The following WWC1 variants were observed in gnomAD, a reference collection of about 807,000 sequenced individuals.
WWC1 encodes the protein WW and C2 domain containing 1.
WWC1 carries 55 observed loss-of-function variants against 138.4 expected under a neutral mutation model. That is an observed-to-expected ratio of 0.40 (90% CI 0.32 to 0.50). The LOEUF is 0.50. Ranked by LOEUF, WWC1 falls within the 20% of genes least tolerant of loss-of-function variation. The pLI, the probability that WWC1 is intolerant of heterozygous loss-of-function variation, is 0.72. For synonymous variants in WWC1, 524 were observed against 564.9 expected, an observed-to-expected ratio of 0.93 and a Z score of 1.03; for missense variants, 1,226 against 1,420.4, an observed-to-expected ratio of 0.86 and a Z score of 2.20.
chr5:168,385,094 T>G, intron 2 of WWC1, 117 bp from the exon 3 acceptor site: 1 of 978,756 alleles, frequency 1.0e-6, no homozygotes, highest in Non-Finnish European at 1.5e-6. Flanking sequence ...CCCACTTACA[T>G]TTATTGTGAT....
At chr5:168,375,940 A>G (rs1561677234) in intron 2 of WWC1, among the ~76,000 whole-genome samples, 1 of 140,544 alleles carries the variant, frequency 7.1e-6, no homozygotes, top group Non-Finnish European at 1.6e-5. Flanking sequence ...AGTATCCCCG[A>G]TTATCTACAC....
At chr5:168,380,811 C>T (rs1464819085) in intron 2 of WWC1, among the ~76,000 whole-genome samples, 1 of 152,026 alleles carries the variant, frequency 6.6e-6, no homozygotes, top group Non-Finnish European at 1.5e-5. Flanking sequence ...TATTATTCAG[C>T]AATAATAAGA....
rs896136702 is a variant in WWC1 at position 168,441,641 on chromosome 5, C to T, written c.2281-41C>T. The T allele has an allele frequency of 5.6e-6, 9 of 1,598,208 alleles. No individual in the cohort carries two copies. In the Admixed American group the frequency reaches 8.4e-5, roughly 15 times the overall value. ...AAATTCCCTGACACCTGGTGTCCCC[C>T]CCACCGCCACTTATGTTCTCCTTGT... On this transcript the variant is annotated intron_variant, in intron 15 of 22. Coordinates refer to ENST00000265293, the MANE Select transcript of WWC1 (RefSeq NM_015238.3).
At chr5:168,393,131 A>G (rs1778630390) in intron 3 of WWC1, among the ~76,000 whole-genome samples, 1 of 152,236 alleles carries the variant, frequency 6.6e-6, no homozygotes, top group Non-Finnish European at 1.5e-5. Context: ...AAAATAGACT[A>G]CAAGGACAGG....
intron 2 of WWC1, among the ~76,000 whole-genome samples, chr5:168,380,670 CT>C (rs1045199539): frequency 9.2e-5 from 14 of 152,118 alleles, no homozygotes; most frequent in African/African-American, 3.1e-4. Context: ...AATTCTACCC[CT>C]GGTATTTTTG....
intron 3 of WWC1, among the ~76,000 whole-genome samples, chr5:168,386,170 C>A (rs940285668): frequency 2.0e-5 from 3 of 152,086 alleles, no homozygotes; most frequent in Non-Finnish European, 1.5e-5. Context: ...GAGGCCTGCT[C>A]GGACAACTCT....
rs994417729 is a variant in WWC1, at chr5:168,469,088, G to A, written c.*71G>A. The A allele has an allele frequency of 1.3e-6, 2 of 1,590,082 alleles. No homozygotes were observed. The highest frequency in any genetic ancestry group is 1.7e-6 in the Non-Finnish European group (2 of 1,159,170). ...ATTGACTGTGGCTAAAGTTATTTAT[G>A]TGGTGTTATATGAAGGTACTGAGTC... On this transcript the variant is annotated 3_prime_UTR_variant, in exon 23 of 23. Coordinates refer to ENST00000265293, the MANE Select transcript of WWC1 (RefSeq NM_015238.3).
At chr5:168,441,065 C>G (rs1754705991) in intron 15 of WWC1, among the ~76,000 whole-genome samples, 1 of 152,146 alleles carries the variant, frequency 6.6e-6, no homozygotes, top group Non-Finnish European at 1.5e-5. Context: ...GAGTGAGACC[C>G]TACCTCCAAA....
At chr5:168,396,276 A>G (rs1248459817) in intron 3 of WWC1, among the ~76,000 whole-genome samples, 1 of 152,200 alleles carries the variant, frequency 6.6e-6, no homozygotes, top group Non-Finnish European at 1.5e-5. Context: ...CCAGCTACTC[A>G]GGAGGCTGAG....
intron 7 of WWC1, among the ~76,000 whole-genome samples, chr5:168,409,171 A>T (rs185113759): frequency 6.6e-6 from 1 of 152,302 alleles, no homozygotes; most frequent in Admixed American, 6.5e-5. Flanking sequence ...GAGTTAGAGT[A>T]GGGCTGAACC....
At chr5:168,430,269 G>C in intron 14 of WWC1, 46 bp downstream of exon 14, 1 of 1,548,572 alleles carries the variant, frequency 6.5e-7, no homozygotes, top group Non-Finnish European at 8.8e-7. Context: ...TAACCCTCTG[G>C]AGTTACCCCT....
chr5:168,359,491 A>G (rs1268219866), intron 1 of WWC1, among the ~76,000 whole-genome samples: 1 of 152,188 alleles, frequency 6.6e-6, no homozygotes, highest in African/African-American at 2.4e-5. Flanking sequence ...CCATTTACCT[A>G]TTGATGGACA....
intron 10 of WWC1, among the ~76,000 whole-genome samples, chr5:168,422,607 C>A (rs1781180152): frequency 6.6e-6 from 1 of 152,006 alleles, no homozygotes; most frequent in East Asian, 1.9e-4. Context: ...AGAGCCAGAC[C>A]TTGTCTCCAA....
chr5:168,406,350 G>A lies in WWC1; in HGVS notation c.720+23G>A, dbSNP rs765129789. The A allele has an allele frequency of 1.9e-6, 3 of 1,612,384 alleles. No individual in the cohort carries two copies. In the South Asian group the frequency reaches 3.3e-5, roughly 18 times the overall value. ...AAGGTATGCAAGTTCCTGTTGATGTGGGTGCCATCTTGATTTCTCCTGAGT... is the reference window on the plus strand; with the variant it reads ...AAGGTATGCAAGTTCCTGTTGATGTAGGTGCCATCTTGATTTCTCCTGAGT... On this transcript the variant is annotated intron_variant, in intron 6 of 22. Coordinates refer to ENST00000265293, the MANE Select transcript of WWC1 (RefSeq NM_015238.3).
At chr5:168,438,347 T>G (rs1211680621) in intron 15 of WWC1, among the ~76,000 whole-genome samples, 1 of 152,150 alleles carries the variant, frequency 6.6e-6, no homozygotes, top group Non-Finnish European at 1.5e-5. Context: ...ATAGTGAGTG[T>G]GTTCTCATGA....
intron 2 of WWC1, among the ~76,000 whole-genome samples, chr5:168,376,042 A>C (rs914451874): frequency 4.0e-5 from 6 of 149,730 alleles, no homozygotes; most frequent in Non-Finnish European, 8.9e-5. Flanking sequence ...ATGCTATATA[A>C]TCTTCATATT....
chr5:168,351,373 G>A (rs1774942230), intron 1 of WWC1, among the ~76,000 whole-genome samples: 1 of 152,148 alleles, frequency 6.6e-6, no homozygotes, highest in East Asian at 1.9e-4. Context: ...CCTTGCAAGT[G>A]CACCTCATAA....
chr5:168,437,148 C>T (rs985525498), intron 15 of WWC1, among the ~76,000 whole-genome samples: 24 of 152,174 alleles, frequency 1.6e-4, no homozygotes, highest in Non-Finnish European at 4.4e-5. Context: ...TCTGTCCTCC[C>T]AGGTGCTCCC....
chr5:168,408,412 TA>T, intron 6 of WWC1, 94 bp from the exon 7 acceptor site: 3 of 1,450,526 alleles, frequency 2.1e-6, no homozygotes, highest in Non-Finnish European at 2.8e-6. Flanking sequence ...GTTCCTAAAT[TA>T]AGGGAGGGTA....
Sources: allele counts gnomAD v4.1 joint callset (sites outside exome capture counted in the v4.1 genomes callset), GRCh38; gene constraint gnomAD v4.1.1; transcripts MANE v1.5; gene names NCBI Gene and HGNC (gene_info 2026-07-23, HGNC 2026-07-21).